CNTNAP2: variants seen among roughly 807,000 people sequenced by gnomAD.
The protein encoded by CNTNAP2 is contactin associated protein 2, also known as contactin-associated protein-like 2.
In CNTNAP2, 98 loss-of-function variants were observed where a neutral mutation model predicts 155.2. The observed-to-expected ratio is 0.63, with a 90% CI of 0.54 to 0.75. The LOEUF (loss-of-function observed/expected upper bound fraction) is 0.75, where lower values mean the gene tolerates loss of function less well. CNTNAP2 is among the 30% of genes least tolerant of loss of function. The pLI is 0.00. For synonymous variants in CNTNAP2, 651 were observed against 631.2 expected, an observed-to-expected ratio of 1.03 and a Z score of -0.47; for missense variants, 1,727 against 1,688.1, an observed-to-expected ratio of 1.02 and a Z score of -0.40.
Position 147,938,289 on chromosome 7 carries a change from A to G in CNTNAP2, c.2255+34568A>G, listed in dbSNP as rs574586809. Among the ~76,000 whole-genome samples, 100 of 152,292 alleles carry G rather than the reference A, an allele frequency of 6.6e-4. 2 individuals are homozygous for G. The highest frequency in any genetic ancestry group is 3.4e-3 in the Middle Eastern group (1 of 294). On this transcript the variant is annotated intron_variant, in intron 14 of 23. Transcript: ENST00000361727. ...ATGGAGGAAAATATTTTCCCATTAAATACTAAGACCTACTATACACTAAGC... is the reference window on the plus strand; with the variant it reads ...ATGGAGGAAAATATTTTCCCATTAAGTACTAAGACCTACTATACACTAAGC...
At chr7:146,725,812 A>C (rs1245287981) in intron 1 of CNTNAP2, among the ~76,000 whole-genome samples, 2 of 152,042 alleles carry the variant, frequency 1.3e-5, no homozygotes, top group African/African-American at 4.8e-5. Flanking sequence ...ACCAATTAGC[A>C]AGCTCCCATT....
At chr7:146,636,257 G>T (rs1223195649) in intron 1 of CNTNAP2, among the ~76,000 whole-genome samples, 1 of 152,076 alleles carries the variant, frequency 6.6e-6, no homozygotes, top group Non-Finnish European at 1.5e-5. Flanking sequence ...CCAAACATAT[G>T]CATTTGTCAA....
intron 11 of CNTNAP2, among the ~76,000 whole-genome samples, chr7:147,546,582 C>A (rs1799738366): frequency 6.6e-6 from 1 of 152,136 alleles, no homozygotes. Context: ...ACTTGTGCAT[C>A]ATAATTTCTT....
At chr7:146,736,565 A>G (rs1431647780) in intron 1 of CNTNAP2, among the ~76,000 whole-genome samples, 1 of 152,184 alleles carries the variant, frequency 6.6e-6, no homozygotes, top group Admixed American at 6.5e-5. Flanking sequence ...GATATTAACT[A>G]ACTTGACTGT....
intron 11 of CNTNAP2, among the ~76,000 whole-genome samples, chr7:147,503,247 CCTT>C (rs1316469408): frequency 2.0e-5 from 3 of 152,098 alleles, no homozygotes; most frequent in African/African-American, 4.8e-5. Flanking sequence ...TTCTCTGCCT[CCTT>C]CTTCACACAG....
chr7:147,955,164 T>C (rs1207874395), intron 14 of CNTNAP2, among the ~76,000 whole-genome samples: 3 of 152,212 alleles, frequency 2.0e-5, no homozygotes, highest in Admixed American at 6.5e-5. Flanking sequence ...TCTGGAGCAA[T>C]AATGATCACA....
intron 15 of CNTNAP2, among the ~76,000 whole-genome samples, chr7:148,099,622 C>T (rs560988040): frequency 6.6e-6 from 1 of 152,074 alleles, no homozygotes; most frequent in East Asian, 1.9e-4. Context: ...TCTCTACCCT[C>T]ATCTGCGTAG....
At chr7:148,233,380 A>C (rs1439460604) in intron 20 of CNTNAP2, among the ~76,000 whole-genome samples, 1 of 143,500 alleles carries the variant, frequency 7.0e-6, no homozygotes, top group Admixed American at 7.0e-5. Context: ...GGAAGTCACA[A>C]AAAGTAAGTC....
At chr7:148,008,147 A>T (rs189683545) in intron 15 of CNTNAP2, among the ~76,000 whole-genome samples, 1,691 of 151,586 alleles carry the variant, frequency 0.011, 10 homozygotes, top group Non-Finnish European at 0.017. Flanking sequence ...GTAGATCACG[A>T]GGTCAGGAGT....
chr7:147,448,484 G>GTATATATA (rs10683190), intron 10 of CNTNAP2, among the ~76,000 whole-genome samples: 13,328 of 143,056 alleles, frequency 0.093, 944 homozygotes, highest in East Asian at 0.31. Context: ...GTGTGTGTGT[G>GTATATATA]TATATATATA....
At chr7:148,000,275 G>A (rs1801873636) in intron 15 of CNTNAP2, among the ~76,000 whole-genome samples, 1 of 152,142 alleles carries the variant, frequency 6.6e-6, no homozygotes, top group South Asian at 2.1e-4. Flanking sequence ...TCTGTATGAT[G>A]GGCATGGCTA....
intron 12 of CNTNAP2, among the ~76,000 whole-genome samples, chr7:147,605,592 G>C (rs142926912): frequency 6.6e-6 from 1 of 152,060 alleles, no homozygotes; most frequent in African/African-American, 2.4e-5. Context: ...CATGGTGTCC[G>C]CCCTTCTTGT....
intron 1 of CNTNAP2, among the ~76,000 whole-genome samples, chr7:146,185,337 C>A (rs916339922): frequency 6.6e-6 from 1 of 152,156 alleles, no homozygotes. Context: ...GGCCACCCAC[C>A]TATTGGTTTA....
Position 146,685,002 on chromosome 7 carries a change from T to G in CNTNAP2, c.98-89269T>G, listed in dbSNP as rs1019103643. Among the ~76,000 whole-genome samples the G allele has an allele frequency of 2.6e-5, 4 of 152,290 alleles. No homozygotes were observed. In the East Asian group the frequency reaches 7.7e-4, roughly 29 times the overall value. ...AGAAAGTGATTAAAAATAATCATCT[T>G]CAAGCTCACACCAAATGACAGTTAA... On this transcript the variant is annotated intron_variant, in intron 1 of 23. Coordinates refer to ENST00000361727, the MANE Select transcript of CNTNAP2 (RefSeq NM_014141.6).
chr7:147,971,794 C>T (rs747909870), intron 14 of CNTNAP2, among the ~76,000 whole-genome samples: 2 of 152,156 alleles, frequency 1.3e-5, no homozygotes, highest in Non-Finnish European at 2.9e-5. Flanking sequence ...GCTTTCATGT[C>T]TCTTGTATAG....
At chr7:147,833,656 A>C (rs1798590011) in intron 13 of CNTNAP2, among the ~76,000 whole-genome samples, 1 of 152,158 alleles carries the variant, frequency 6.6e-6, no homozygotes, top group African/African-American at 2.4e-5. Context: ...GAACTGCTAA[A>C]GGCTACTAAA....
intron 1 of CNTNAP2, among the ~76,000 whole-genome samples, chr7:146,364,943 T>C (rs1166637566): frequency 2.0e-5 from 3 of 151,570 alleles, no homozygotes; most frequent in African/African-American, 7.3e-5. Context: ...GTAATCGTTT[T>C]TTAATCTTCA....
chr7:148,061,936 GAT>G (rs1441100855), intron 15 of CNTNAP2, among the ~76,000 whole-genome samples: 1 of 142,286 alleles, frequency 7.0e-6, no homozygotes, highest in Non-Finnish European at 1.5e-5. Context: ...TAGATAGATA[GAT>G]AGATAGATAA....
At chr7:148,149,989 C>T (rs1025491731) in intron 17 of CNTNAP2, among the ~76,000 whole-genome samples, 27 of 151,188 alleles carry the variant, frequency 1.8e-4, no homozygotes, top group Admixed American at 4.6e-4. Flanking sequence ...TAATTCCTGT[C>T]ACCTTAAAGG....
Sources: gnomAD v4.1 joint callset for allele counts (sites outside exome capture counted in the v4.1 genomes callset) on GRCh38, gnomAD v4.1.1 for gene constraint, MANE v1.5 for transcripts, NCBI Gene and HGNC (gene_info 2026-07-23, HGNC 2026-07-21) for gene names.